Variants in BPGM observed in about 807,000 individuals in gnomAD.
BPGM encodes 2,3-bisphosphoglycerate mutase, erythrocyte.
In BPGM, 15 loss-of-function variants were observed where a neutral mutation model predicts 21.6. The ratio of observed to expected loss-of-function variants is 0.70; its 90% CI spans 0.47 to 1.07. BPGM has a LOEUF of 1.07. Ranked by LOEUF, BPGM falls within the 50% of genes least tolerant of loss-of-function variation. BPGM has a pLI of 0.00. For synonymous variants in BPGM, 113 were observed against 116.2 expected, an observed-to-expected ratio of 0.97 and a Z score of 0.18; for missense variants, 273 against 319.0, an observed-to-expected ratio of 0.86 and a Z score of 1.10.
rs1795467950 is a variant in BPGM, at chr7:134,646,887, T to C, written c.-112T>C. ...TAGGAGGCGCTGGCTCTTTGGCGGC[T>C]CGGAGGAGCGGCTGCTGCTGCTGCT... On this transcript the variant is annotated 5_prime_UTR_variant, in exon 1 of 3. Coordinates refer to ENST00000344924, the MANE Select transcript of BPGM (RefSeq NM_001724.5). 2 of 187,394 alleles carry C rather than the reference T, an allele frequency of 1.1e-5. No individual in the cohort carries two copies. The highest frequency in any genetic ancestry group is 2.3e-5 in the Non-Finnish European group (2 of 87,630). 11.6% of individuals were successfully genotyped at this position (187,394 alleles called of 1,614,324 possible).
chr7:134,668,191 G>A (rs905711446), intron 2 of BPGM, among the ~76,000 whole-genome samples: 2 of 152,142 alleles, frequency 1.3e-5, no homozygotes, highest in African/African-American at 4.8e-5. Context: ...AAGAAGACAG[G>A]TGCTGTTGGA....
chr7:134,655,937 C>A (rs1025872008), intron 1 of BPGM, among the ~76,000 whole-genome samples: 1 of 152,202 alleles, frequency 6.6e-6, no homozygotes, highest in Admixed American at 6.5e-5. Flanking sequence ...AGGGATCCAT[C>A]GCAAGTGCAC....
At chr7:134,677,799 C>T (rs1796003535) in intron 2 of BPGM, among the ~76,000 whole-genome samples, 1 of 152,186 alleles carries the variant, frequency 6.6e-6, no homozygotes, top group African/African-American at 2.4e-5. Flanking sequence ...TTTTAGCTTG[C>T]TGAACTTCAT....
chr7:134,656,696 A>G (rs569566994), intron 1 of BPGM, among the ~76,000 whole-genome samples: 31 of 152,302 alleles, frequency 2.0e-4, no homozygotes, highest in African/African-American at 7.2e-4. Context: ...CCATGAATCA[A>G]TTACCTCCCA....
At chr7:134,647,482 CG>C (rs1470278432) in intron 1 of BPGM, among the ~76,000 whole-genome samples, 1 of 152,184 alleles carries the variant, frequency 6.6e-6, no homozygotes, top group Non-Finnish European at 1.5e-5. Flanking sequence ...GAAATAAAAA[CG>C]TAAGTGTATT....
At chr7:134,659,277 C>G (rs1362729661) in intron 1 of BPGM, among the ~76,000 whole-genome samples, 3 of 152,080 alleles carry the variant, frequency 2.0e-5, no homozygotes, top group Non-Finnish European at 4.4e-5. Context: ...TTTGATGGAG[C>G]TGAGGCTTCT....
At chr7:134,666,054 T>C (rs971773928) in intron 2 of BPGM, among the ~76,000 whole-genome samples, 4 of 151,932 alleles carry the variant, frequency 2.6e-5, no homozygotes, top group Non-Finnish European at 5.9e-5. Context: ...ATTTTTGTAA[T>C]TTTTTAGTAG....
At chr7:134,652,675 T>C (rs1795575061) in intron 1 of BPGM, among the ~76,000 whole-genome samples, 1 of 152,202 alleles carries the variant, frequency 6.6e-6, no homozygotes. Context: ...GCTATTGCAA[T>C]ACATTCAATT....
intron 1 of BPGM, chr7:134,660,722 TG>T (rs1160725023): frequency 6.6e-6 from 1 of 152,366 alleles, no homozygotes; most frequent in Non-Finnish European, 1.5e-5. Flanking sequence ...TAGCTTATTT[TG>T]CATCTGGATT....
At position 134,657,548 on chromosome 7, in the gene BPGM, A is replaced by G. The variant is rs1795659630; in HGVS notation, c.-61-3899A>G. ...CATTGAAGCTCCCCAACTCCCTAGG[A>G]TGGTGGGGGAGGGGCGATTTGGTCA... On this transcript the variant is annotated intron_variant, in intron 1 of 2. Coordinates refer to ENST00000344924, the MANE Select transcript of BPGM (RefSeq NM_001724.5). Among the ~76,000 whole-genome samples, 4 of 152,184 alleles carry G rather than the reference A, an allele frequency of 2.6e-5. No individual in the cohort carries two copies. In the South Asian group the frequency reaches 8.3e-4, roughly 31 times the overall value.
rs1297864367 is a variant in BPGM, at chr7:134,655,325, T to G, written c.-61-6122T>G. On this transcript the variant is annotated intron_variant, in intron 1 of 2. Transcript: ENST00000344924. The stretch of plus-strand genomic sequence containing the variant: ...TACTAATAAGGTGAGCCCTCCTTCA[T>G]GTTCACCTTGTTCGTTTGCGTTTGA... Among the ~76,000 whole-genome samples, 3 of 152,192 alleles carry G rather than the reference T, an allele frequency of 2.0e-5. No individual in the cohort carries two copies. The East Asian group carries it at 5.8e-4, about 29-fold the overall frequency.
intron 1 of BPGM, among the ~76,000 whole-genome samples, chr7:134,660,062 G>T (rs777269095): frequency 1.3e-5 from 2 of 152,130 alleles, no homozygotes; most frequent in Admixed American, 6.5e-5. Context: ...AACACATGAC[G>T]ATACTTGCAA....
At chr7:134,670,878 C>T (rs1054189562) in intron 2 of BPGM, among the ~76,000 whole-genome samples, 2 of 152,038 alleles carry the variant, frequency 1.3e-5, no homozygotes, top group African/African-American at 2.4e-5. Context: ...CATCCTGTAG[C>T]GAATCTTTCT....
chr7:134,650,355 G>T (rs12536541), intron 1 of BPGM, among the ~76,000 whole-genome samples: 18,552 of 152,174 alleles, frequency 0.12, 1,267 homozygotes, highest in Middle Eastern at 0.2. Context: ...GTAGGGATCT[G>T]CCTGGTATGG....
At chr7:134,648,898 A>G (rs1795512366) in intron 1 of BPGM, among the ~76,000 whole-genome samples, 1 of 152,236 alleles carries the variant, frequency 6.6e-6, no homozygotes, top group African/African-American at 2.4e-5. Context: ...AATTATTAGT[A>G]TACAAGCAGA....
intron 2 of BPGM, among the ~76,000 whole-genome samples, chr7:134,672,877 T>C (rs1291583017): frequency 1.3e-5 from 2 of 151,934 alleles, no homozygotes; most frequent in East Asian, 1.9e-4. Context: ...TAATTTGCTG[T>C]TTTAAAATTT....
At chr7:134,678,043 C>T (rs977696397) in intron 2 of BPGM, among the ~76,000 whole-genome samples, 2 of 152,078 alleles carry the variant, frequency 1.3e-5, no homozygotes, top group Non-Finnish European at 2.9e-5. Flanking sequence ...TAAAAGAGTA[C>T]CTGGCATGAA....
At chr7:134,674,158 C>T (rs1186717996) in intron 2 of BPGM, among the ~76,000 whole-genome samples, 1 of 152,102 alleles carries the variant, frequency 6.6e-6, no homozygotes, top group African/African-American at 2.4e-5. Context: ...AGTGATCCAC[C>T]CACCTCAGCC....
intron 2 of BPGM, among the ~76,000 whole-genome samples, chr7:134,666,802 T>C (rs550201492): frequency 1.3e-5 from 2 of 152,342 alleles, no homozygotes; most frequent in South Asian, 2.1e-4. Flanking sequence ...GTTAGTAAAG[T>C]TTCTCTTACA....
Sources: allele counts gnomAD v4.1 joint callset (sites outside exome capture counted in the v4.1 genomes callset), GRCh38; gene constraint gnomAD v4.1.1; transcripts MANE v1.5; gene names NCBI Gene and HGNC (gene_info 2026-07-23, HGNC 2026-07-21).